Variants in AOPEP observed in about 807,000 individuals in gnomAD.
AOPEP encodes aminopeptidase O (putative).
In AOPEP, 77 loss-of-function variants were observed where a neutral mutation model predicts 98.1. That is an observed-to-expected ratio of 0.78 (90% confidence interval 0.65 to 0.95). The LOEUF (loss-of-function observed/expected upper bound fraction) is 0.95. AOPEP is among the 40% of genes least tolerant of loss of function. The pLI is 0.00. For missense variants in AOPEP, 1,024 were observed against 1,024.7 expected (o/e 1.00, Z 0.01); for synonymous variants, 346 against 365.3 (o/e 0.95, Z 0.60).
chr9:95,135,632 T>C, the AOPEP span: 1 of 736,250 alleles, frequency 1.4e-6, no homozygotes, highest in South Asian at 1.7e-5. Context: ...CAGTGGCTAA[T>C]AATTTATAGA....
At chr9:94,747,855 AT>A (rs1454599633) in intron 1 of AOPEP, among the ~76,000 whole-genome samples, 3 of 152,208 alleles carry the variant, frequency 2.0e-5, no homozygotes, top group Admixed American at 6.5e-5. Context: ...GTCCAAACCA[AT>A]ATTCTTGAGA....
the AOPEP span, among the ~76,000 whole-genome samples, chr9:95,147,289 G>C: frequency 6.6e-6 from 1 of 152,104 alleles, no homozygotes; most frequent in African/African-American, 2.4e-5. Flanking sequence ...AGGCCGAGGT[G>C]GGTGGATCAC....
At chr9:94,918,944 C>T (rs184200412) in intron 5 of AOPEP, among the ~76,000 whole-genome samples, 147 of 151,096 alleles carry the variant, frequency 9.7e-4, no homozygotes, top group Admixed American at 2.8e-3. Context: ...GAGTCGGAGT[C>T]TCGCACTGTT....
chr9:94,919,097 G>A lies in AOPEP; in HGVS notation c.1365-4889G>A, dbSNP rs1415129346. Among the ~76,000 whole-genome samples, 9 of 151,986 alleles carry A rather than the reference G, an allele frequency of 5.9e-5. No individual in the cohort carries two copies. The East Asian group carries it at 1.7e-3, about 29-fold the overall frequency. ...ACCTGGCTAATTTTTTATATTTTTA[G>A]TACAGACAGGGTTTCACTATGTTGG... On this transcript the variant is annotated intron_variant, in intron 5 of 16. Coordinates refer to ENST00000375315, the MANE Select transcript of AOPEP (RefSeq NM_001193329.3).
chr9:95,078,006 T>C (rs2069274091), intron 14 of AOPEP, among the ~76,000 whole-genome samples: 1 of 152,148 alleles, frequency 6.6e-6, no homozygotes, highest in South Asian at 2.1e-4. Context: ...CTTAGCTCTT[T>C]ATAATGAAAA....
chr9:95,149,101 T>C, the AOPEP span, among the ~76,000 whole-genome samples: 1 of 152,136 alleles, frequency 6.6e-6, no homozygotes, highest in African/African-American at 2.4e-5. Flanking sequence ...GAAAAGAGCA[T>C]TGCTTTTCAT....
chr9:94,906,485 A>T (rs114150572), intron 5 of AOPEP, among the ~76,000 whole-genome samples: 42 of 53,866 alleles, frequency 7.8e-4, no homozygotes, highest in African/African-American at 1.4e-3. Context: ...ATAATAATAA[A>T]AAAACAGACC....
chr9:95,132,602 G>A, the AOPEP span, among the ~76,000 whole-genome samples: 18 of 152,292 alleles, frequency 1.2e-4, no homozygotes, highest in African/African-American at 7.2e-5. Context: ...AGCATGACTC[G>A]ACAGCAGTCC....
Position 94,766,535 on chromosome 9 carries a change from T to TCAAAA in AOPEP, c.797+5970_797+5974dup, listed in dbSNP as rs1839670588. Among the ~76,000 whole-genome samples, 4 of 152,182 alleles carry TCAAAA rather than the reference T, an allele frequency of 2.6e-5. No individual in the cohort carries two copies. The South Asian group carries it at 8.3e-4, about 31-fold the overall frequency. On this transcript the variant is annotated intron_variant, in intron 2 of 16. Transcript: ENST00000375315. ...CTGGGCGACAGAGCGAGACTCCATCTCAAAACAAAACAAAACAAACTGAAG... is the reference window on the plus strand; with the variant it reads ...CTGGGCGACAGAGCGAGACTCCATCTCAAAACAAAACAAAACAAAACAAACTGAAG...
At chr9:95,028,496 C>T (rs1353798014) in intron 13 of AOPEP, among the ~76,000 whole-genome samples, 4 of 152,184 alleles carry the variant, frequency 2.6e-5, no homozygotes, top group African/African-American at 4.8e-5. Context: ...AATATTTGGG[C>T]TTAGAAATTC....
intron 1 of AOPEP, among the ~76,000 whole-genome samples, chr9:94,738,976 A>G (rs549030117): frequency 1.8e-3 from 280 of 152,378 alleles, no homozygotes; most frequent in Non-Finnish European, 3.2e-3. Context: ...ATATCTATTC[A>G]GAAAGTGTCT....
chr9:94,970,547 G>C (rs900584914), intron 10 of AOPEP, among the ~76,000 whole-genome samples: 60 of 151,768 alleles, frequency 4.0e-4, no homozygotes, highest in African/African-American at 1.4e-3. Context: ...GAAATCTTAT[G>C]CAGGGAGATT....
chr9:95,053,773 C>G (rs764079882), intron 13 of AOPEP, among the ~76,000 whole-genome samples: 1 of 152,108 alleles, frequency 6.6e-6, no homozygotes, highest in African/African-American at 2.4e-5. Context: ...AGGCTGAAGT[C>G]TACTGGATTA....
chr9:95,117,465 G>A, the AOPEP span: 1 of 1,239,312 alleles, frequency 8.1e-7, no homozygotes, highest in South Asian at 1.3e-5. Context: ...AAAACTCTGA[G>A]TCCTCTGCCC....
chr9:95,102,834 A>G, the AOPEP span, among the ~76,000 whole-genome samples: 1 of 152,176 alleles, frequency 6.6e-6, no homozygotes, highest in African/African-American at 2.4e-5. Flanking sequence ...GCTAAGAGTA[A>G]ACGACGTGGT....
intron 13 of AOPEP, among the ~76,000 whole-genome samples, chr9:95,008,891 A>T (rs980049857): frequency 6.6e-6 from 1 of 152,106 alleles, no homozygotes; most frequent in East Asian, 1.9e-4. Flanking sequence ...GGTATGACTG[A>T]ATTCTTTTAT....
intron 5 of AOPEP, chr9:94,900,765 A>G (rs1003974688): frequency 6.6e-6 from 1 of 152,176 alleles, no homozygotes; most frequent in African/African-American, 2.4e-5. Flanking sequence ...AGACAATCCA[A>G]ATGTCATCTA....
intron 1 of AOPEP, among the ~76,000 whole-genome samples, chr9:94,749,622 C>T (rs1261600054): frequency 6.6e-6 from 1 of 152,152 alleles, no homozygotes; most frequent in South Asian, 2.1e-4. Flanking sequence ...TTCTGGTTCA[C>T]TGTCTTCTAT....
In AOPEP at chr9:94,899,462, T is replaced by A. The variant is rs535613691; in HGVS notation, c.1365-24524T>A. Among the ~76,000 whole-genome samples the A allele has an allele frequency of 1.6e-4, 24 of 151,902 alleles. No homozygotes were observed. The East Asian group carries it at 4.4e-3, about 28-fold the overall frequency. ...CTGTTAGCTTATTAATAATTAAAAT[T>A]ATGAAGGCCAGGCACGGTGGCTCAC... On this transcript the variant is annotated intron_variant, in intron 5 of 16. Coordinates refer to ENST00000375315, the MANE Select transcript of AOPEP (RefSeq NM_001193329.3).
Sources: allele counts gnomAD v4.1 joint callset (sites outside exome capture counted in the v4.1 genomes callset), GRCh38; gene constraint gnomAD v4.1.1; transcripts MANE v1.5; gene names NCBI Gene and HGNC (gene_info 2026-07-23, HGNC 2026-07-21).